The following LRRIQ4 variants were observed in gnomAD, a reference collection of about 807,000 sequenced individuals.
The protein encoded by LRRIQ4 is leucine-rich repeat and IQ domain-containing protein 4.
Under a neutral mutation model 40.1 loss-of-function variants are expected in LRRIQ4, and 21 were observed. The ratio of observed to expected loss-of-function variants is 0.52; its 90% CI spans 0.37 to 0.75. LRRIQ4 has a LOEUF of 0.75. Among genes scored for constraint, LRRIQ4 ranks in the 30% least tolerant of loss-of-function variants. The pLI is 0.00. For synonymous variants in LRRIQ4, 277 were observed against 277.1 expected (o/e 1.00, Z 0.00); for missense variants, 655 against 660.0 (o/e 0.99, Z 0.08).
Position 169,837,625 on chromosome 3 carries a change from G to A in LRRIQ4, c.1677G>A (p.Lys559=). The change falls in exon 6 of 6, where the codon AAG becomes AAA. Residue 559 remains lysine, a synonymous_variant. Transcript: ENST00000340806. ...DVKGKPGKGK[K]K Reference sequence around the variant, plus strand: ...AAGGAAAACCAGGAAAGGGAAAAAAGAAATAATCCTGTAAATTGATAAATT... The same window carrying A: ...AAGGAAAACCAGGAAAGGGAAAAAAAAAATAATCCTGTAAATTGATAAATT... 1 of 1,571,032 alleles carries A rather than the reference G, an allele frequency of 6.4e-7. No individual in the cohort carries two copies. Among genetic ancestry groups the A allele is most frequent in the South Asian group, 1.2e-5 (1 of 83,178 alleles).
intron 4 of LRRIQ4, among the ~76,000 whole-genome samples, chr3:169,832,371 G>A (rs915213532): frequency 1.3e-5 from 2 of 151,750 alleles, no homozygotes; most frequent in African/African-American, 4.8e-5. Flanking sequence ...AGGAGAATGA[G>A]GCAGGAGAAT....
chr3:169,837,176 G>T (rs1296020445), intron 5 of LRRIQ4, among the ~76,000 whole-genome samples: 1 of 152,172 alleles, frequency 6.6e-6, no homozygotes, highest in Non-Finnish European at 1.5e-5. Context: ...ACATTCATGT[G>T]TTTATTTTGT....
chr3:169,833,069 G>A lies in LRRIQ4; in HGVS notation c.1416G>A (p.Leu472=). The part of the protein sequence containing the change: ...NLDSLVNLKV[L]TLMDNPMEEP... ...ATTCCCTAGTGAATCTTAAGGTTCTGACACTGATGGACAATCCCATGGAAG... is the reference window on the plus strand; with the variant it reads ...ATTCCCTAGTGAATCTTAAGGTTCTAACACTGATGGACAATCCCATGGAAG... The change falls in exon 5 of 6, where the codon CTG becomes CTA. Residue 472 remains leucine (L), a synonymous_variant. Coordinates refer to ENST00000340806, the MANE Select transcript of LRRIQ4 (RefSeq NM_001080460.3). 1 of 1,613,928 alleles carries A rather than the reference G, an allele frequency of 6.2e-7. No individual in the cohort carries two copies. Among genetic ancestry groups the A allele is most frequent in the Non-Finnish European group, 8.5e-7 (1 of 1,179,834 alleles).
intron 5 of LRRIQ4, among the ~76,000 whole-genome samples, chr3:169,835,443 G>GT (rs1195349293): frequency 6.6e-6 from 1 of 150,870 alleles, no homozygotes; most frequent in Admixed American, 6.6e-5. Context: ...TAAGATTCAG[G>GT]TGGGTGCAAG....
At chr3:169,819,290 A>G (rs901417610) in intron 1 of LRRIQ4, among the ~76,000 whole-genome samples, 1 of 152,170 alleles carries the variant, frequency 6.6e-6, no homozygotes, top group Non-Finnish European at 1.5e-5. Context: ...ATATGGGTGT[A>G]TATATATAGC....
At position 169,831,440 on chromosome 3, in the gene LRRIQ4, ATTTTTTTTTTTTTTTTTTTT is replaced by A. The variant is rs750864248; in HGVS notation, c.1333+834_1333+853del. 0.011 allele frequency among the ~76,000 whole-genome samples: 326 copies of A among 29,418 alleles called. 14 individuals carry two copies. In the South Asian group the frequency reaches 0.18, roughly 16 times the overall value. The allele number at this position is 29,418 out of a possible 152,430, so 19.3% of individuals were successfully genotyped here. The stretch of plus-strand genomic sequence containing the variant: ...AGGCGCCCGCCACCACGCCCGGCTA[ATTTTTTTTTTTTTTTTTTTT>A]TTTTTTTTTTTTTTTTTTTTTTTAG... On this transcript the variant is annotated intron_variant, in intron 4 of 5. Coordinates refer to ENST00000340806, the MANE Select transcript of LRRIQ4 (RefSeq NM_001080460.3).
chr3:169,830,529 A>C lies in LRRIQ4; in HGVS notation c.1232A>C (p.Glu411Ala), dbSNP rs1780143555. Reference protein sequence around the residue: ...KELYIENNHLEYLPVSLGSMP... With the variant: ...KELYIENNHLAYLPVSLGSMP... ...CTATATATAGAGAACAATCATCTGG[A>C]GTACCTGCCCGTATCCTTGGGGTCA... The change falls in exon 4 of 6, where the codon GAG (glutamate) becomes GCG (alanine). Residue 411 changes from glutamate to alanine, a missense_variant. Transcript: ENST00000340806. The C allele has an allele frequency of 1.2e-6, 2 of 1,610,996 alleles. No individual in the cohort carries two copies. Among genetic ancestry groups the C allele is most frequent in the Non-Finnish European group, 8.5e-7 (1 of 1,178,236 alleles).
At chr3:169,836,508 T>A (rs995490967) in intron 5 of LRRIQ4, among the ~76,000 whole-genome samples, 1 of 151,246 alleles carries the variant, frequency 6.6e-6, no homozygotes, top group African/African-American at 2.4e-5. Context: ...AGAGAGAGAT[T>A]GCACTAGAGA....
chr3:169,829,978 T>C (rs1177282487), intron 3 of LRRIQ4, among the ~76,000 whole-genome samples: 5 of 152,216 alleles, frequency 3.3e-5, no homozygotes, highest in Admixed American at 6.5e-5. Context: ...GTACCTGTCA[T>C]GCCACAATCT....
intron 5 of LRRIQ4, 64 bp downstream of exon 5, chr3:169,833,247 C>G: frequency 7.2e-7 from 1 of 1,382,256 alleles, no homozygotes; most frequent in Non-Finnish European, 9.9e-7. Context: ...AAACACAGTA[C>G]AGATTATCCT....
chr3:169,829,045 G>C, intron 3 of LRRIQ4, 113 bp downstream of exon 3: 1 of 927,488 alleles, frequency 1.1e-6, no homozygotes, highest in Non-Finnish European at 1.6e-6. Context: ...ATCCATACTA[G>C]ATTTCCAGCT....
chr3:169,815,844 T>A (rs1258540409), intron 1 of LRRIQ4, among the ~76,000 whole-genome samples: 1 of 152,266 alleles, frequency 6.6e-6, no homozygotes, highest in South Asian at 2.1e-4. Flanking sequence ...GCTTTTATCA[T>A]GAAGTGATGT....
intron 5 of LRRIQ4, among the ~76,000 whole-genome samples, chr3:169,836,924 C>T (rs1434139446): frequency 6.6e-6 from 1 of 152,034 alleles, no homozygotes; most frequent in East Asian, 1.9e-4. Flanking sequence ...GCCTTGTAAG[C>T]CATATAAGGA....
intron 1 of LRRIQ4, among the ~76,000 whole-genome samples, chr3:169,821,274 G>C (rs1437650832): frequency 6.6e-6 from 1 of 152,106 alleles, no homozygotes; most frequent in Non-Finnish European, 1.5e-5. Flanking sequence ...CAGTGTTATG[G>C]TAAGAGCAAG....
chr3:169,825,636 C>T (rs913332088), intron 2 of LRRIQ4, among the ~76,000 whole-genome samples: 1 of 152,202 alleles, frequency 6.6e-6, no homozygotes, highest in African/African-American at 2.4e-5. Context: ...ATGAATAATA[C>T]CTAATCCTTT....
chr3:169,823,648 G>A (rs1373946096), intron 2 of LRRIQ4, among the ~76,000 whole-genome samples: 1 of 152,034 alleles, frequency 6.6e-6, no homozygotes, highest in Non-Finnish European at 1.5e-5. Context: ...GCACGGCCCA[G>A]GGTCTATATT....
In LRRIQ4 at chr3:169,822,514, A is replaced by T. The variant is rs1411146362; in HGVS notation, c.593A>T (p.Asn198Ile). Residue 198 changes from asparagine to isoleucine, a missense_variant, in exon 2 of 6, where the codon AAC (asparagine) becomes ATC (isoleucine). Asn to Ile is a moderately radical substitution (Grantham distance 149, BLOSUM62 -3). Transcript: ENST00000340806. ...CTGGAAATCATTGACCTGGACGAGA[A>T]CAAAATAGGTGCCATCCCAGAAGAG... ...YTLEIIDLDE[N>I]KIGAIPEEIG... 4.3e-6 allele frequency: 7 copies of T among 1,613,866 alleles called. No homozygotes were observed. In the Admixed American group the frequency reaches 6.7e-5, roughly 15 times the overall value.
chr3:169,835,601 T>C (rs2108188145), intron 5 of LRRIQ4, among the ~76,000 whole-genome samples: 1 of 152,244 alleles, frequency 6.6e-6, no homozygotes, highest in Middle Eastern at 3.4e-3. Context: ...CTGCACACTG[T>C]TGGAAAGGCT....
At chr3:169,836,833 G>T (rs1048416762) in intron 5 of LRRIQ4, among the ~76,000 whole-genome samples, 13 of 152,178 alleles carry the variant, frequency 8.5e-5, no homozygotes, top group African/African-American at 3.1e-4. Flanking sequence ...GAGGAGGCCC[G>T]CATGGCTGGA....
Sources: allele counts gnomAD v4.1 joint callset (sites outside exome capture counted in the v4.1 genomes callset), GRCh38; gene constraint gnomAD v4.1.1; transcripts MANE v1.5; gene names NCBI Gene and HGNC (gene_info 2026-07-23, HGNC 2026-07-21).